PKIG: variants seen among roughly 807,000 people sequenced by gnomAD.
The protein encoded by PKIG is cAMP-dependent protein kinase inhibitor gamma.
A neutral mutation model predicts 6.8 loss-of-function variants in PKIG; 1 was observed. The ratio of observed to expected loss-of-function variants is 0.15; its 90% CI spans 0.05 to 0.69. The LOEUF (loss-of-function observed/expected upper bound fraction) is 0.69, where lower values mean the gene tolerates loss of function less well. Ranked by LOEUF, PKIG falls within the 30% of genes least tolerant of loss-of-function variation. PKIG has a pLI of 0.82. For missense variants in PKIG, 77 were observed against 104.0 expected, an observed-to-expected ratio of 0.74 and a Z score of 1.13; for synonymous variants, 39 against 43.0, an observed-to-expected ratio of 0.91 and a Z score of 0.36.
chr20:44,564,403 C>T lies in PKIG; in HGVS notation c.-240-18182C>T, dbSNP rs1432785138. On this transcript the variant is annotated intron_variant, in intron 1 of 4. Coordinates refer to the PKIG transcript ENST00000372887. The stretch of plus-strand genomic sequence containing the variant: ...GTTCCTTCTCATTTCCTAAGACTTT[C>T]TGCTACCGTGGTATCACTGGCCTCA... 5 of 152,094 alleles carry T rather than the reference C, an allele frequency of 3.3e-5. No individual in the cohort carries two copies. In the East Asian group the frequency reaches 9.6e-4, roughly 29 times the overall value. 9.4% of individuals were successfully genotyped at this position (152,094 alleles called of 1,614,324 possible).
At chr20:44,618,037 C>T (rs1349495917) in intron 3 of PKIG, among the ~76,000 whole-genome samples, 2 of 152,186 alleles carry the variant, frequency 1.3e-5, no homozygotes, top group Admixed American at 6.5e-5. Context: ...ATGCTTTAAG[C>T]ACCCATCCAT....
chr20:44,605,304 G>A lies in PKIG; in HGVS notation c.-23-9230G>A, dbSNP rs376504769. Among the ~76,000 whole-genome samples the A allele has an allele frequency of 5.9e-5, 9 of 151,748 alleles. 1 individual carries two copies. In the East Asian group the frequency reaches 7.7e-4, roughly 13 times the overall value. On this transcript the variant is annotated intron_variant, in intron 2 of 3. Transcript: ENST00000372886. ...GCGCCTGAGTCCCAGCTACTCAGGA[G>A]GCTGAGGCAGGAGAATGGCGTGAAC...
intron 3 of PKIG, among the ~76,000 whole-genome samples, chr20:44,616,840 G>A (rs1370978780): frequency 6.6e-6 from 1 of 152,184 alleles, no homozygotes; most frequent in Non-Finnish European, 1.5e-5. Flanking sequence ...GCGCCACCCC[G>A]CTGGGAATAA....
At chr20:44,609,961 C>T (rs1202029972) in intron 2 of PKIG, among the ~76,000 whole-genome samples, 1 of 152,178 alleles carries the variant, frequency 6.6e-6, no homozygotes, top group African/African-American at 2.4e-5. Context: ...TCATTTTTAT[C>T]CTCTGTTATT....
chr20:44,539,728 T>C (rs906882408), intron 1 of PKIG, among the ~76,000 whole-genome samples: 1 of 151,730 alleles, frequency 6.6e-6, no homozygotes, highest in Non-Finnish European at 1.5e-5. Flanking sequence ...CTCAAATTTG[T>C]AAACTTTCTT....
At chr20:44,535,971 C>T (rs920695792) in intron 1 of PKIG, among the ~76,000 whole-genome samples, 1 of 152,190 alleles carries the variant, frequency 6.6e-6, no homozygotes, top group South Asian at 2.1e-4. Flanking sequence ...CCATTTCCGC[C>T]TCCCCACCAG....
intron 1 of PKIG, among the ~76,000 whole-genome samples, chr20:44,571,875 A>T (rs1288326440): frequency 6.6e-6 from 1 of 152,248 alleles, no homozygotes; most frequent in East Asian, 1.9e-4. Context: ...CACAGGTAAT[A>T]AGACCTCTTG....
At chr20:44,584,087 A>G (rs2064969738) in intron 1 of PKIG, among the ~76,000 whole-genome samples, 1 of 152,188 alleles carries the variant, frequency 6.6e-6, no homozygotes, top group African/African-American at 2.4e-5. Context: ...GCCCTATGTT[A>G]TGCTCAACCC....
At chr20:44,611,140 C>T (rs1328865422) in intron 2 of PKIG, among the ~76,000 whole-genome samples, 2 of 151,372 alleles carry the variant, frequency 1.3e-5, no homozygotes, top group African/African-American at 2.4e-5. Context: ...CGGCAGTCTC[C>T]GCCTCATGGG....
At chr20:44,572,321 T>C (rs2064860719) in intron 1 of PKIG, among the ~76,000 whole-genome samples, 1 of 152,320 alleles carries the variant, frequency 6.6e-6, no homozygotes, top group African/African-American at 2.4e-5. Flanking sequence ...ACGTGTTAAA[T>C]TATAGACATC....
chr20:44,560,827 A>C (rs768409696), intron 1 of PKIG, among the ~76,000 whole-genome samples: 20 of 152,242 alleles, frequency 1.3e-4, no homozygotes, highest in Non-Finnish European at 2.6e-4. Context: ...GGAAGATGTT[A>C]TCATCCCGGA....
chr20:44,591,107 T>A (rs192302698), intron 2 of PKIG, among the ~76,000 whole-genome samples: 22 of 152,170 alleles, frequency 1.4e-4, no homozygotes, highest in African/African-American at 5.3e-4. Context: ...CTGCGGTAGG[T>A]CCAGAGGGCT....
At chr20:44,583,050 G>C (rs962791990) in intron 1 of PKIG, among the ~76,000 whole-genome samples, 1 of 152,210 alleles carries the variant, frequency 6.6e-6, no homozygotes, top group Non-Finnish European at 1.5e-5. Flanking sequence ...TCTTCCCTAA[G>C]AAATTCGTGT....
chr20:44,587,044 G>A (rs1486602893), intron 1 of PKIG, among the ~76,000 whole-genome samples: 2 of 152,290 alleles, frequency 1.3e-5, no homozygotes, highest in East Asian at 3.9e-4. Context: ...GTCAGTTACT[G>A]TTTTAGTACT....
intron 1 of PKIG, among the ~76,000 whole-genome samples, chr20:44,560,605 G>C (rs185559090): frequency 6.6e-6 from 1 of 152,166 alleles, no homozygotes; most frequent in East Asian, 1.9e-4. Context: ...CTTGTTGTCC[G>C]TCAAGGATGG....
chr20:44,581,243 G>A (rs769313644), upstream of PKIG, among the ~76,000 whole-genome samples: 17 of 152,162 alleles, frequency 1.1e-4, no homozygotes, highest in African/African-American at 4.1e-4. Flanking sequence ...GCACTTATCT[G>A]ATTCTCCTAA....
intron 1 of PKIG, among the ~76,000 whole-genome samples, chr20:44,561,563 G>A (rs1445077639): frequency 6.6e-6 from 1 of 152,140 alleles, no homozygotes; most frequent in African/African-American, 2.4e-5. Flanking sequence ...TAGAAAAGAT[G>A]ATTAGAGAAT....
intron 1 of PKIG, among the ~76,000 whole-genome samples, chr20:44,551,237 G>A (rs770195534): frequency 6.6e-6 from 1 of 152,078 alleles, no homozygotes; most frequent in African/African-American, 2.4e-5. Flanking sequence ...TGTATTTTTA[G>A]TAGAGACGGG....
intron 2 of PKIG, among the ~76,000 whole-genome samples, chr20:44,604,959 A>T (rs1466604784): frequency 1.3e-5 from 2 of 152,242 alleles, no homozygotes; most frequent in African/African-American, 4.8e-5. Context: ...GGGACAAGTT[A>T]AATGACTATT....
Sources: allele counts gnomAD v4.1 joint callset (sites outside exome capture counted in the v4.1 genomes callset), GRCh38; gene constraint gnomAD v4.1.1; transcripts MANE v1.5; gene names NCBI Gene and HGNC (gene_info 2026-07-23, HGNC 2026-07-21).